The following ZBTB20 variants were observed in gnomAD, a reference collection of about 807,000 sequenced individuals.
ZBTB20 encodes zinc finger and BTB domain-containing protein 20.
In ZBTB20, 9 loss-of-function variants were observed where a neutral mutation model predicts 56.9. The ratio of observed to expected loss-of-function variants is 0.16; its 90% CI spans 0.10 to 0.28. ZBTB20 has a LOEUF of 0.28. Among genes scored for constraint, ZBTB20 ranks in the 10% least tolerant of loss-of-function variants. The probability of loss-of-function intolerance (pLI) is 1.00; values close to 1 mark genes in which losing one functional copy is unlikely to be tolerated. For missense variants in ZBTB20, 655 were observed against 1,003.0 expected (o/e 0.65, Z 4.69); for synonymous variants, 417 against 420.7 (o/e 0.99, Z 0.11).
intron 1 of ZBTB20, among the ~76,000 whole-genome samples, chr3:115,087,599 A>C (rs939505009): frequency 6.6e-6 from 1 of 151,914 alleles, no homozygotes; most frequent in Non-Finnish European, 1.5e-5. Context: ...TGGATTGTCC[A>C]ATTTCCTCAC....
At chr3:114,988,759 C>T (rs1378009995) in intron 2 of ZBTB20, among the ~76,000 whole-genome samples, 1 of 152,106 alleles carries the variant, frequency 6.6e-6, no homozygotes, top group Non-Finnish European at 1.5e-5. Context: ...CTCTCCAGCA[C>T]CTGTTGTTTC....
chr3:114,967,810 A>T (rs1408100443), intron 3 of ZBTB20, among the ~76,000 whole-genome samples: 8 of 152,094 alleles, frequency 5.3e-5, no homozygotes, highest in South Asian at 4.1e-4. Flanking sequence ...TACAAAAATT[A>T]GCCAGGCGTG....
At position 114,967,723 on chromosome 3, in the gene ZBTB20, G is replaced by A. The variant is rs1234769775; in HGVS notation, c.-456+6643C>T. 4.6e-5 allele frequency among the ~76,000 whole-genome samples: 7 copies of A among 152,216 alleles called. No individual in the cohort carries two copies. In the South Asian group the frequency reaches 6.2e-4, roughly 14 times the overall value. On this transcript the variant is annotated intron_variant, in intron 3 of 11. Coordinates refer to ENST00000675478, the MANE Select transcript of ZBTB20 (RefSeq NM_001348800.3). ...TGTAATCTCAACACTTTGGGAGGCC[G>A]AAGCGGGTGGATCACCCGAGGTCAG...
At chr3:114,513,235 C>T (rs1401896311) in intron 6 of ZBTB20, among the ~76,000 whole-genome samples, 1 of 152,136 alleles carries the variant, frequency 6.6e-6, no homozygotes, top group Non-Finnish European at 1.5e-5. Context: ...ATTATAAATA[C>T]CATTATTCCA....
chr3:114,437,661 A>T (rs2090609404), intron 7 of ZBTB20, among the ~76,000 whole-genome samples: 1 of 152,160 alleles, frequency 6.6e-6, no homozygotes, highest in South Asian at 2.1e-4. Flanking sequence ...GTGGCCAGTC[A>T]GGCTCCTTGT....
At chr3:115,007,896 A>G (rs955483617) in intron 2 of ZBTB20, among the ~76,000 whole-genome samples, 2 of 151,794 alleles carry the variant, frequency 1.3e-5, no homozygotes, top group African/African-American at 4.8e-5. Flanking sequence ...TTTCAAAAAC[A>G]CTGTCCTCTC....
intron 11 of ZBTB20, 37 bp downstream of exon 11, chr3:114,350,237 C>A (rs761705674): frequency 6.4e-7 from 1 of 1,562,142 alleles, no homozygotes; most frequent in Admixed American, 1.8e-5. Flanking sequence ...GCCCCCTCAG[C>A]CCCTGCTGCC....
intron 7 of ZBTB20, among the ~76,000 whole-genome samples, chr3:114,411,817 C>T (rs1273192117): frequency 3.9e-5 from 6 of 151,950 alleles, no homozygotes; most frequent in South Asian, 2.1e-4. Flanking sequence ...AGTGGAAGGA[C>T]GATTTTAATA....
intron 5 of ZBTB20, among the ~76,000 whole-genome samples, chr3:114,764,815 A>G (rs1457470446): frequency 6.6e-6 from 1 of 152,208 alleles, no homozygotes; most frequent in East Asian, 1.9e-4. Flanking sequence ...TCTCAAGTTA[A>G]CATAGTCAAA....
At chr3:114,666,783 A>G (rs1002263041) in intron 6 of ZBTB20, among the ~76,000 whole-genome samples, 5 of 152,110 alleles carry the variant, frequency 3.3e-5, no homozygotes, top group Non-Finnish European at 7.4e-5. Context: ...CTGTTTTAAA[A>G]CTGTCCATGA....
chr3:114,846,356 C>G (rs528169223), intron 4 of ZBTB20, among the ~76,000 whole-genome samples: 1 of 152,236 alleles, frequency 6.6e-6, no homozygotes, highest in East Asian at 1.9e-4. Context: ...TCTACTTTTC[C>G]ATCCACAACA....
chr3:114,691,314 G>A (rs920814563), intron 6 of ZBTB20, among the ~76,000 whole-genome samples: 9 of 151,952 alleles, frequency 5.9e-5, no homozygotes, highest in African/African-American at 2.2e-4. Flanking sequence ...CAATGTCTGG[G>A]GTTTGCTTCA....
chr3:114,939,342 T>C (rs895398286), intron 3 of ZBTB20, among the ~76,000 whole-genome samples: 9 of 146,520 alleles, frequency 6.1e-5, no homozygotes, highest in Admixed American at 4.6e-4. Context: ...GCAGCTATAG[T>C]ATGTCTACTT....
At chr3:114,563,030 G>T (rs1046174147) in intron 6 of ZBTB20, among the ~76,000 whole-genome samples, 2 of 152,112 alleles carry the variant, frequency 1.3e-5, no homozygotes, top group South Asian at 4.1e-4. Context: ...AGCACATGCT[G>T]TTGGAAAAAA....
chr3:114,748,344 TCTTTCTTTTC>T (rs1560202344), intron 5 of ZBTB20, among the ~76,000 whole-genome samples: 16 of 43,470 alleles, frequency 3.7e-4, no homozygotes, highest in African/African-American at 8.8e-4. Context: ...CTTCTTTCTT[TCTTTCTTTTC>T]TCTCTCTCTC....
chr3:114,449,352 T>C (rs1185935771), intron 7 of ZBTB20, among the ~76,000 whole-genome samples: 2 of 152,098 alleles, frequency 1.3e-5, no homozygotes, highest in African/African-American at 4.8e-5. Flanking sequence ...AACAAGATTA[T>C]CTCCACCATA....
chr3:114,697,135 A>G (rs2063088320), intron 5 of ZBTB20, among the ~76,000 whole-genome samples: 1 of 151,928 alleles, frequency 6.6e-6, no homozygotes, highest in African/African-American at 2.4e-5. Flanking sequence ...ATAGCTCCCA[A>G]AGTAAAAAGC....
chr3:114,681,610 A>T (rs916290461), intron 6 of ZBTB20, among the ~76,000 whole-genome samples: 1 of 152,196 alleles, frequency 6.6e-6, no homozygotes, highest in Non-Finnish European at 1.5e-5. Flanking sequence ...ATCAATGTGG[A>T]TTTGTATTTT....
chr3:114,388,253 T>G (rs1273810896), intron 8 of ZBTB20: 1 of 152,258 alleles, frequency 6.6e-6, no homozygotes, highest in African/African-American at 2.4e-5. Flanking sequence ...TTCAAATGAC[T>G]GGCTTTTCTA....
Sources: gnomAD v4.1 joint callset for allele counts (sites outside exome capture counted in the v4.1 genomes callset) on GRCh38, gnomAD v4.1.1 for gene constraint, MANE v1.5 for transcripts, NCBI Gene and HGNC (gene_info 2026-07-23, HGNC 2026-07-21) for gene names.